DCC: variants seen among roughly 807,000 people sequenced by gnomAD.
The protein encoded by DCC is netrin receptor DCC.
Under a neutral mutation model 172.5 loss-of-function variants are expected in DCC, and 58 were observed. The ratio of observed to expected loss-of-function variants is 0.34; its 90% CI spans 0.27 to 0.42. The LOEUF is 0.42. Among genes scored for constraint, DCC ranks in the 10% least tolerant of loss-of-function variants. The pLI is 1.00. For missense variants in DCC, 1,740 were observed against 1,791.0 expected (o/e 0.97, Z 0.51); for synonymous variants, 709 against 644.5 (o/e 1.10, Z -1.52).
At chr18:53,171,517 A>G (rs1210794641) in intron 8 of DCC, among the ~76,000 whole-genome samples, 1 of 152,220 alleles carries the variant, frequency 6.6e-6, no homozygotes, top group Non-Finnish European at 1.5e-5. Context: ...GAATATGTTT[A>G]TACATAAATT....
intron 2 of DCC, among the ~76,000 whole-genome samples, chr18:52,903,028 A>T (rs1187204921): frequency 1.3e-5 from 2 of 152,166 alleles, no homozygotes; most frequent in Non-Finnish European, 2.9e-5. Context: ...TTAATATGCA[A>T]TCCCAGCCTT....
intron 2 of DCC, among the ~76,000 whole-genome samples, chr18:52,778,628 A>G (rs1401622847): frequency 1.3e-5 from 2 of 152,194 alleles, no homozygotes; most frequent in African/African-American, 4.8e-5. Context: ...CAAAGCTCGC[A>G]GATTTTGATA....
chr18:52,603,828 T>G (rs1328597633), intron 1 of DCC, among the ~76,000 whole-genome samples: 2 of 152,114 alleles, frequency 1.3e-5, no homozygotes, highest in African/African-American at 4.8e-5. Flanking sequence ...AAAGAGCATA[T>G]GCTTTTCCTT....
intron 5 of DCC, among the ~76,000 whole-genome samples, chr18:53,054,831 A>G (rs1211896568): frequency 2.6e-5 from 4 of 152,290 alleles, no homozygotes; most frequent in South Asian, 4.1e-4. Context: ...CACGAGAAGT[A>G]TACTATTAGG....
At chr18:52,434,280 TG>T (rs1987718588) in intron 1 of DCC, among the ~76,000 whole-genome samples, 1 of 152,172 alleles carries the variant, frequency 6.6e-6, no homozygotes, top group Admixed American at 6.5e-5. Flanking sequence ...GAGATATTTT[TG>T]GTCACCACAA....
At chr18:52,871,361 G>A (rs2039315575) in intron 2 of DCC, among the ~76,000 whole-genome samples, 1 of 151,752 alleles carries the variant, frequency 6.6e-6, no homozygotes, top group Admixed American at 6.6e-5. Context: ...GTTTATAGAT[G>A]CTGGTATGAT....
At chr18:53,423,765 G>T (rs865890391) in intron 21 of DCC, among the ~76,000 whole-genome samples, 1 of 152,154 alleles carries the variant, frequency 6.6e-6, no homozygotes, top group Non-Finnish European at 1.5e-5. Context: ...CCCAAGAACA[G>T]AGAACTGGCT....
chr18:53,047,796 C>T (rs2042276627), intron 5 of DCC, among the ~76,000 whole-genome samples: 1 of 151,538 alleles, frequency 6.6e-6, no homozygotes, highest in East Asian at 2.0e-4. Context: ...ATGTACTTAA[C>T]CTCTCTACGC....
rs539378247 is a variant in DCC at position 52,595,615 on chromosome 18, G to A, written c.92-156439G>A. ...ACCCCTGTGTAACCCTTCACTTGGGGATTTAGCTTCCCTCAAATGAAAGTC... is the reference window on the plus strand; with the variant it reads ...ACCCCTGTGTAACCCTTCACTTGGGAATTTAGCTTCCCTCAAATGAAAGTC... On this transcript the variant is annotated intron_variant, in intron 1 of 28. Transcript: ENST00000442544. 5.3e-5 allele frequency among the ~76,000 whole-genome samples: 8 copies of A among 152,264 alleles called. No homozygotes were observed. In the East Asian group the frequency reaches 1.4e-3, roughly 26 times the overall value.
chr18:53,173,878 T>G (rs1271614751), intron 8 of DCC, among the ~76,000 whole-genome samples: 9 of 122,400 alleles, frequency 7.4e-5, no homozygotes, highest in Non-Finnish European at 5.0e-5. Flanking sequence ...GAATATACAT[T>G]TTTTTCAGCA....
At chr18:53,090,725 A>AT (rs1568298461) in intron 7 of DCC, among the ~76,000 whole-genome samples, 1 of 135,472 alleles carries the variant, frequency 7.4e-6, no homozygotes, top group African/African-American at 2.8e-5. Flanking sequence ...AAAAAAAAAA[A>AT]AAAAAAAAAG....
chr18:52,441,055 G>A (rs559450501), intron 1 of DCC, among the ~76,000 whole-genome samples: 3 of 152,276 alleles, frequency 2.0e-5, no homozygotes, highest in Middle Eastern at 3.4e-3. Flanking sequence ...TCTTTTTCAA[G>A]TTTGCCTTGA....
At chr18:53,420,017 C>CTAA (rs1220071458) in intron 21 of DCC, among the ~76,000 whole-genome samples, 2 of 151,982 alleles carry the variant, frequency 1.3e-5, no homozygotes, top group Non-Finnish European at 2.9e-5. Flanking sequence ...CCACACCTGG[C>CTAA]TAATTTTTTT....
intron 1 of DCC, among the ~76,000 whole-genome samples, chr18:52,457,911 GCAAACAAACAAA>G (rs66650533): frequency 6.6e-6 from 1 of 151,098 alleles, no homozygotes; most frequent in Non-Finnish European, 1.5e-5. Context: ...AAGCAAGCAA[GCAAACAAACAAA>G]CAAACAAACA....
In DCC at chr18:53,386,122, C is replaced by T. The variant is rs1398563536; in HGVS notation, c.2439C>T (p.Thr813=). The stretch of plus-strand genomic sequence containing the variant: ...GAGTTCCTCTTTATGAAAGTGCCAC[C>T]ACCAGGTCTATAACCGGTAAGTGAA... ...GEGVPLYESA[T]TRSITDPTDP... The change falls in exon 16 of 29, where the codon ACC becomes ACT. Residue 813 remains threonine (T), a synonymous_variant. Transcript: ENST00000442544. 6.2e-7 allele frequency: 1 copy of T among 1,608,228 alleles called. No individual in the cohort carries two copies. The highest frequency in any genetic ancestry group is 1.3e-5 in the African/African-American group (1 of 74,746).
At chr18:52,846,675 C>G (rs542925866) in intron 2 of DCC, among the ~76,000 whole-genome samples, 1 of 149,744 alleles carries the variant, frequency 6.7e-6, no homozygotes, top group Non-Finnish European at 1.5e-5. Flanking sequence ...GTCTTGGTGT[C>G]TCTCGCAGAG....
chr18:52,342,743 T>A (rs1983710052), intron 1 of DCC, among the ~76,000 whole-genome samples: 1 of 152,206 alleles, frequency 6.6e-6, no homozygotes, highest in Admixed American at 6.5e-5. Flanking sequence ...AAATGAACAA[T>A]GATGTCTTGT....
chr18:53,188,516 A>G (rs1408439193), intron 9 of DCC, among the ~76,000 whole-genome samples: 3 of 152,188 alleles, frequency 2.0e-5, no homozygotes, highest in Admixed American at 1.3e-4. Context: ...AAGCCTCATT[A>G]AGGAACACTG....
intron 5 of DCC, among the ~76,000 whole-genome samples, chr18:53,009,648 G>T (rs2041698985): frequency 6.6e-6 from 1 of 151,912 alleles, no homozygotes; most frequent in Non-Finnish European, 1.5e-5. Context: ...GCATAAGTTT[G>T]TCTGTTCTTC....
Sources: allele counts gnomAD v4.1 joint callset (sites outside exome capture counted in the v4.1 genomes callset), GRCh38; gene constraint gnomAD v4.1.1; transcripts MANE v1.5; gene names NCBI Gene and HGNC (gene_info 2026-07-23, HGNC 2026-07-21).